Variants in AGBL1 observed in about 807,000 individuals in gnomAD.
AGBL1 encodes the protein cytosolic carboxypeptidase 4.
AGBL1 carries 130 observed loss-of-function variants against 118.9 expected under a neutral mutation model. The ratio of observed to expected loss-of-function variants is 1.09; its 90% CI spans 0.95 to 1.26. AGBL1 has a LOEUF of 1.26. AGBL1 is among the 50% of genes most tolerant of loss of function. The probability of loss-of-function intolerance (pLI) is 0.00; values close to 1 mark genes in which losing one functional copy is unlikely to be tolerated. For missense variants in AGBL1, 1,584 were observed against 1,298.1 expected, an observed-to-expected ratio of 1.22 and a Z score of -3.38; for synonymous variants, 555 against 478.9, an observed-to-expected ratio of 1.16 and a Z score of -2.08.
intron 22 of AGBL1, among the ~76,000 whole-genome samples, chr15:86,722,793 A>G (rs181227308): frequency 5.2e-4 from 79 of 152,040 alleles, no homozygotes; most frequent in African/African-American, 1.8e-3. Flanking sequence ...TCTACAATGA[A>G]CTCAAACAAA....
At chr15:86,986,613 T>C (rs942525340) in intron 23 of AGBL1, among the ~76,000 whole-genome samples, 1 of 152,164 alleles carries the variant, frequency 6.6e-6, no homozygotes, top group South Asian at 2.1e-4. Context: ...TGGTGTGCTT[T>C]AGACTGGGGT....
chr15:86,591,732 TG>T (rs1474734325), intron 21 of AGBL1, among the ~76,000 whole-genome samples: 1 of 152,166 alleles, frequency 6.6e-6, no homozygotes, highest in African/African-American at 2.4e-5. Context: ...TGGGTTTTTA[TG>T]GAGGCTTCAT....
intron 24 of AGBL1, among the ~76,000 whole-genome samples, chr15:86,998,089 GC>G (rs2081396865): frequency 1.3e-5 from 2 of 152,096 alleles, no homozygotes; most frequent in Admixed American, 1.3e-4. Context: ...ATTGTGACAG[GC>G]AGCTTCTGAG....
chr15:87,005,764 G>A (rs1268472504), intron 24 of AGBL1, among the ~76,000 whole-genome samples: 1 of 152,142 alleles, frequency 6.6e-6, no homozygotes, highest in Middle Eastern at 3.2e-3. Context: ...GAAGAGGAGA[G>A]GTGCTCTGAT....
At chr15:86,439,649 GC>G (rs1194269955) in intron 18 of AGBL1, among the ~76,000 whole-genome samples, 4 of 152,254 alleles carry the variant, frequency 2.6e-5, no homozygotes, top group African/African-American at 9.6e-5. Flanking sequence ...GCAATACTGA[GC>G]AAAGCACAGA....
chr15:86,768,209 T>A (rs972827345), intron 22 of AGBL1, among the ~76,000 whole-genome samples: 1 of 151,972 alleles, frequency 6.6e-6, no homozygotes, highest in Admixed American at 6.6e-5. Context: ...ACTTTACACC[T>A]TTGGCATTTT....
At chr15:86,650,697 A>G (rs187410640) in intron 21 of AGBL1, among the ~76,000 whole-genome samples, 2 of 152,346 alleles carry the variant, frequency 1.3e-5, no homozygotes, top group South Asian at 2.1e-4. Flanking sequence ...TGTAAAGTAC[A>G]TATTTGTGAT....
intron 21 of AGBL1, among the ~76,000 whole-genome samples, chr15:86,594,724 A>G (rs2084383258): frequency 1.3e-5 from 2 of 152,254 alleles, no homozygotes; most frequent in South Asian, 4.1e-4. Context: ...TATTTTTTAA[A>G]ATCTCAATCA....
At chr15:86,198,827 G>C (rs977385694) in intron 5 of AGBL1, among the ~76,000 whole-genome samples, 3 of 152,136 alleles carry the variant, frequency 2.0e-5, no homozygotes, top group Non-Finnish European at 2.9e-5. Context: ...CTCTAGACTG[G>C]TGGGAAAATA....
chr15:86,261,098 G>A (rs1205532854), intron 9 of AGBL1, among the ~76,000 whole-genome samples: 1 of 152,170 alleles, frequency 6.6e-6, no homozygotes, highest in East Asian at 1.9e-4. Context: ...AACAACCAGT[G>A]GGCCATAGTT....
At chr15:86,968,490 G>A (rs998661111) in intron 23 of AGBL1, among the ~76,000 whole-genome samples, 1 of 151,832 alleles carries the variant, frequency 6.6e-6, no homozygotes, top group Non-Finnish European at 1.5e-5. Context: ...TTATCGCATA[G>A]GGAAATAACA....
chr15:86,418,764 G>C (rs996944846), intron 18 of AGBL1, among the ~76,000 whole-genome samples: 1 of 152,090 alleles, frequency 6.6e-6, no homozygotes, highest in East Asian at 1.9e-4. Flanking sequence ...TCTCATAATT[G>C]AGAACTTGCA....
chr15:86,734,937 C>T (rs1355767892), intron 22 of AGBL1, among the ~76,000 whole-genome samples: 2 of 152,072 alleles, frequency 1.3e-5, no homozygotes, highest in East Asian at 1.9e-4. Context: ...AGTTCCCTCC[C>T]ACAAACACAT....
intron 24 of AGBL1, among the ~76,000 whole-genome samples, chr15:87,013,361 G>T (rs182082422): frequency 6.6e-6 from 1 of 152,148 alleles, no homozygotes; most frequent in East Asian, 1.9e-4. Flanking sequence ...CCCAAGTCTG[G>T]GGCTTTAAGG....
intron 23 of AGBL1, among the ~76,000 whole-genome samples, chr15:86,943,841 C>T (rs2080783825): frequency 6.6e-6 from 1 of 152,148 alleles, no homozygotes; most frequent in Non-Finnish European, 1.5e-5. Flanking sequence ...GACTCTCTTA[C>T]CCTCGCTGTC....
Position 86,908,008 on chromosome 15 carries a change from A to C in AGBL1, c.*714A>C, listed in dbSNP as rs935111793. ...CAAACATAATGCTAGGAAGTACCAG[A>C]CCTACTGGAAAATTTATTCATTTCA... On this transcript the variant is annotated 3_prime_UTR_variant, in exon 23 of 23. Coordinates refer to ENST00000614907, the MANE Select transcript of AGBL1 (RefSeq NM_001386094.1). 2.0e-5 allele frequency: 3 copies of C among 152,182 alleles called. No homozygotes were observed. Among genetic ancestry groups the C allele is most frequent in the African/African-American group, 7.2e-5 (3 of 41,446 alleles). The allele number at this position is 152,182 out of a possible 1,614,324, so 9.4% of individuals were successfully genotyped here. A position where few individuals can be genotyped will look rare whatever the true frequency, so the allele number is the denominator to read the frequency against.
intron 23 of AGBL1, among the ~76,000 whole-genome samples, chr15:86,927,299 T>G (rs923356257): frequency 6.6e-6 from 1 of 151,966 alleles, no homozygotes; most frequent in Non-Finnish European, 1.5e-5. Context: ...ATAAGGAAAG[T>G]TATTTTAGGC....
chr15:86,151,772 A>C (rs1352536404), intron 3 of AGBL1, among the ~76,000 whole-genome samples: 10 of 152,222 alleles, frequency 6.6e-5, no homozygotes, highest in African/African-American at 2.4e-4. Context: ...TATGTTTAGA[A>C]AACCCTATCA....
chr15:86,712,217 A>G (rs559899237), intron 22 of AGBL1, among the ~76,000 whole-genome samples: 1 of 152,218 alleles, frequency 6.6e-6, no homozygotes, highest in East Asian at 1.9e-4. Context: ...TTTATCATGG[A>G]TTTAGGGTAG....
Sources: gnomAD v4.1 joint callset for allele counts (sites outside exome capture counted in the v4.1 genomes callset) on GRCh38, gnomAD v4.1.1 for gene constraint, MANE v1.5 for transcripts, NCBI Gene and HGNC (gene_info 2026-07-23, HGNC 2026-07-21) for gene names.